Variants in SLC8A1 observed in about 807,000 individuals in gnomAD.
SLC8A1 encodes sodium/calcium exchanger 1.
In SLC8A1, 18 loss-of-function variants were observed where a neutral mutation model predicts 68.3. That is an observed-to-expected ratio of 0.26 (90% CI 0.18 to 0.39). SLC8A1 has a LOEUF of 0.39. Ranked by LOEUF, SLC8A1 falls within the 10% of genes least tolerant of loss-of-function variation. The pLI is 1.00. For missense variants in SLC8A1, 985 were observed against 1,156.7 expected (o/e 0.85, Z 2.15); for synonymous variants, 475 against 415.5 (o/e 1.14, Z -1.74).
chr2:40,215,032 A>G lies in SLC8A1; in HGVS notation c.1809-37177T>C, dbSNP rs71439286. Among the ~76,000 whole-genome samples, 717 of 152,178 alleles carry G rather than the reference A, an allele frequency of 4.7e-3. 3 individuals carry two copies. Among genetic ancestry groups the G allele is most frequent in the Non-Finnish European group, 8.4e-3 (568 of 67,998 alleles). On this transcript the variant is annotated intron_variant, in intron 2 of 7. Coordinates refer to ENST00000406785, the Ensembl canonical transcript of SLC8A1. ...CTGTAAAGTCAAACAGAACCTTATG[A>G]GTTTTATATTTGCTAGTTCTTTTTG...
At chr2:40,235,304 A>C (rs1313374498) in intron 2 of SLC8A1, among the ~76,000 whole-genome samples, 2 of 152,116 alleles carry the variant, frequency 1.3e-5, no homozygotes, top group Non-Finnish European at 2.9e-5. Context: ...TCAGAGATTC[A>C]ACTTCTTCCT....
chr2:40,213,123 T>A (rs1384250286), intron 2 of SLC8A1: 2 of 152,168 alleles, frequency 1.3e-5, no homozygotes, highest in Admixed American at 1.3e-4. Context: ...CTACTTTGAG[T>A]TAGATGACTT....
chr2:40,196,450 C>T (rs533732103), intron 2 of SLC8A1, among the ~76,000 whole-genome samples: 5 of 151,972 alleles, frequency 3.3e-5, no homozygotes, highest in Admixed American at 6.6e-5. Context: ...TAATATTAGA[C>T]CAGTGGGTCC....
At chr2:40,432,448 G>A (rs1412031365) in intron 1 of SLC8A1, among the ~76,000 whole-genome samples, 1 of 100,358 alleles carries the variant, frequency 1.0e-5, no homozygotes, top group East Asian at 2.3e-4. Context: ...TATACACGTG[G>A]GATGCATGAT....
chr2:40,299,474 T>C (rs2071024629), intron 2 of SLC8A1, among the ~76,000 whole-genome samples: 1 of 152,180 alleles, frequency 6.6e-6, no homozygotes, highest in Non-Finnish European at 1.5e-5. Context: ...TGTCTTGAGT[T>C]GAAGGAGCCC....
intron 2 of SLC8A1, among the ~76,000 whole-genome samples, chr2:40,282,905 C>T (rs766893510): frequency 5.3e-5 from 8 of 152,128 alleles, no homozygotes; most frequent in African/African-American, 1.2e-4. Context: ...TGGGGTTAGC[C>T]TTATCATTTA....
intron 2 of SLC8A1, 53 bp downstream of exon 2, chr2:40,428,420 G>T: frequency 1.5e-6 from 2 of 1,372,426 alleles, no homozygotes. Flanking sequence ...TAAACACACT[G>T]AACCACACAC....
intron 2 of SLC8A1, among the ~76,000 whole-genome samples, chr2:40,255,659 AAAAT>A (rs1299603552): frequency 2.0e-5 from 3 of 152,190 alleles, no homozygotes; most frequent in Admixed American, 2.0e-4. Context: ...TTTGTTGTGG[AAAAT>A]AAATACGTGC....
intron 1 of SLC8A1, among the ~76,000 whole-genome samples, chr2:40,437,215 G>C (rs1343904186): frequency 6.6e-6 from 1 of 152,018 alleles, no homozygotes; most frequent in South Asian, 2.1e-4. Flanking sequence ...TTATTTTCAC[G>C]ACAATAAGTT....
At chr2:40,236,424 C>T (rs1296887584) in intron 2 of SLC8A1, among the ~76,000 whole-genome samples, 4 of 152,070 alleles carry the variant, frequency 2.6e-5, no homozygotes, top group African/African-American at 4.8e-5. Flanking sequence ...GATTGCAAAC[C>T]CTGCCTTTTT....
exon 8 of SLC8A1, chr2:40,101,757 T>C (rs2033904537): frequency 6.6e-6 from 1 of 152,098 alleles, no homozygotes; most frequent in African/African-American, 2.4e-5. Context: ...CAGAATGCTG[T>C]GTCATAGATC....
At chr2:40,324,037 G>A (rs114485522) in intron 2 of SLC8A1, among the ~76,000 whole-genome samples, 8 of 151,018 alleles carry the variant, frequency 5.3e-5, no homozygotes, top group Non-Finnish European at 8.8e-5. Flanking sequence ...GTGGGGGGGG[G>A]GCTGTTAACA....
rs771032000 is a variant in SLC8A1 at position 40,429,209 on chromosome 2, G to C, written c.1072C>G (p.Gln358Glu). ...ATGCGATAAAATGCTCTACTTTTTT[G>C]CTGCTGACTTAGGACTTGGTAGTTA... Residue 358 changes from glutamine (Q) to glutamate (E), a missense_variant, in exon 2 of 8, where the codon CAA (glutamine) becomes GAA (glutamate). By Grantham distance (29) the Gln-to-Glu change is conservative (BLOSUM62 2). Around this residue, in one of 5 missense-constraint regions of SLC8A1, gnomAD observed 584 missense variants for 565.9 expected, o/e 1.03. Coordinates refer to ENST00000406785, the Ensembl canonical transcript of SLC8A1. 6 of 1,613,118 alleles carry C rather than the reference G, an allele frequency of 3.7e-6. No homozygotes were observed. In the African/African-American group the frequency reaches 5.3e-5, roughly 14 times the overall value.
chr2:40,160,645 C>T (rs1034952961), intron 6 of SLC8A1, 120 bp downstream of exon 9: 1 of 783,456 alleles, frequency 1.3e-6, no homozygotes, highest in African/African-American at 1.7e-5. Context: ...AAACTTATTT[C>T]TCCCTTAATT....
intron 2 of SLC8A1, among the ~76,000 whole-genome samples, chr2:40,366,100 T>A (rs560912501): frequency 5.7e-4 from 86 of 152,152 alleles, no homozygotes; most frequent in African/African-American, 2.0e-3. Context: ...AAACTGGTGA[T>A]GAATATGCTT....
At chr2:40,402,201 G>A (rs536535933) in intron 2 of SLC8A1, among the ~76,000 whole-genome samples, 6 of 152,246 alleles carry the variant, frequency 3.9e-5, no homozygotes, top group East Asian at 1.9e-4. Flanking sequence ...CTGATTATAT[G>A]CTAATTATAA....
chr2:40,339,601 T>G (rs1559307643), intron 2 of SLC8A1, among the ~76,000 whole-genome samples: 1 of 152,204 alleles, frequency 6.6e-6, no homozygotes, highest in Non-Finnish European at 1.5e-5. Context: ...GCTCAGTAAA[T>G]ATTAACTAAT....
intron 2 of SLC8A1, among the ~76,000 whole-genome samples, chr2:40,415,905 C>T: frequency 7.1e-6 from 1 of 140,410 alleles, no homozygotes; most frequent in East Asian, 2.3e-4. Flanking sequence ...CACACACACA[C>T]ACACACATTA....
chr2:40,431,583 G>A (rs775596346), intron 1 of SLC8A1, among the ~76,000 whole-genome samples: 2 of 152,120 alleles, frequency 1.3e-5, no homozygotes, highest in African/African-American at 4.8e-5. Context: ...GGAAACTGAA[G>A]TAGAGGAAGG....
Sources: allele counts gnomAD v4.1 joint callset (sites outside exome capture counted in the v4.1 genomes callset), GRCh38; gene constraint gnomAD v4.1.1; regional missense constraint gnomAD v4.1.1; transcripts MANE v1.5; gene names NCBI Gene and HGNC (gene_info 2026-07-23, HGNC 2026-07-21).